CSRNP3: variants seen among roughly 807,000 people sequenced by gnomAD.
CSRNP3 encodes cysteine/serine-rich nuclear protein 3.
In CSRNP3, 12 loss-of-function variants were observed where a neutral mutation model predicts 48.0. That is an observed-to-expected ratio of 0.25 (90% CI 0.16 to 0.41). The LOEUF (loss-of-function observed/expected upper bound fraction) is 0.41. CSRNP3 is among the 10% of genes least tolerant of loss of function. The pLI, the probability that CSRNP3 is intolerant of heterozygous loss-of-function variation, is 1.00. For missense variants in CSRNP3, 580 were observed against 724.4 expected, an observed-to-expected ratio of 0.80 and a Z score of 2.29; for synonymous variants, 263 against 269.7, an observed-to-expected ratio of 0.98 and a Z score of 0.24.
chr2:165,566,370 A>T (rs1470484275), intron 3 of CSRNP3, among the ~76,000 whole-genome samples: 1 of 151,490 alleles, frequency 6.6e-6, no homozygotes, highest in African/African-American at 2.4e-5. Flanking sequence ...TCCCATGTCA[A>T]CTCTGCTGCA....
At chr2:165,527,237 C>T (rs562925851) in intron 3 of CSRNP3, among the ~76,000 whole-genome samples, 2 of 118,996 alleles carry the variant, frequency 1.7e-5, no homozygotes, top group South Asian at 5.6e-4. Context: ...GACAGAGGCT[C>T]ATTCTGTTGC....
At position 165,681,475 on chromosome 2, in the gene CSRNP3, G is replaced by A. The variant is rs1175751808; in HGVS notation, c.*1722G>A. Reference sequence around the variant, plus strand: ...TGCTTGATCTAGAGAAAGTCCTCCAGTGGAAAAGTTTCTACTAAACTTTGT... The same window carrying A: ...TGCTTGATCTAGAGAAAGTCCTCCAATGGAAAAGTTTCTACTAAACTTTGT... On this transcript the variant is annotated 3_prime_UTR_variant, in exon 7 of 7. Coordinates refer to ENST00000651982, the MANE Select transcript of CSRNP3 (RefSeq NM_001172173.2). 2.6e-5 allele frequency: 4 copies of A among 151,714 alleles called. No homozygotes were observed. Among genetic ancestry groups the A allele is most frequent in the Non-Finnish European group, 5.9e-5 (4 of 67,966 alleles). The allele number at this position is 151,714 out of a possible 1,614,324, so 9.4% of individuals were successfully genotyped here.
At chr2:165,571,922 A>G (rs1044104658) in intron 3 of CSRNP3, among the ~76,000 whole-genome samples, 2 of 152,156 alleles carry the variant, frequency 1.3e-5, no homozygotes, top group African/African-American at 2.4e-5. Context: ...TCTTTTTACA[A>G]AAAACAAAAC....
chr2:165,659,277 G>A (rs533242636), intron 5 of CSRNP3, among the ~76,000 whole-genome samples: 5 of 152,208 alleles, frequency 3.3e-5, no homozygotes, highest in East Asian at 3.9e-4. Flanking sequence ...TAGGGGAGTC[G>A]GAGAGAGATG....
chr2:165,600,179 C>T (rs13395932), intron 4 of CSRNP3, among the ~76,000 whole-genome samples: 52,231 of 127,124 alleles, frequency 0.41, 9,086 homozygotes, highest in Middle Eastern at 0.5. Context: ...TGAGAATATG[C>T]GGTGTTTGGT....
At chr2:165,564,843 A>G (rs1337136722) in intron 3 of CSRNP3, among the ~76,000 whole-genome samples, 2 of 152,064 alleles carry the variant, frequency 1.3e-5, no homozygotes, top group Admixed American at 6.6e-5. Context: ...GTGGTTTCTT[A>G]AAATTTTTTT....
Position 165,678,796 on chromosome 2 carries a change from CT to C in CSRNP3, c.806del (p.Leu269CysfsTer4). ...TTAATCCTATCCGTGTTCGGACTCACTTTTTGCACACAATAATGAAACTTGA... is the reference window on the plus strand; with the variant it reads ...TTAATCCTATCCGTGTTCGGACTCACTTTTGCACACAATAATGAAACTTGA... Reference protein sequence around the residue: ...EFNPIRVRTHFLHTIMKLELE... With the variant: ...EFNPIRVRTHXLHTIMKLELE... On this transcript the variant is annotated frameshift_variant, in exon 7 of 7. Coordinates refer to ENST00000651982, the MANE Select transcript of CSRNP3 (RefSeq NM_001172173.2). LOFTEE classifies it high-confidence loss of function. The C allele has an allele frequency of 6.2e-7, 1 of 1,614,070 alleles. No individual in the cohort carries two copies. The highest frequency in any genetic ancestry group is 8.5e-7 in the Non-Finnish European group (1 of 1,179,990).
rs1466949047 is a variant in CSRNP3, at chr2:165,682,931, G to C, written c.*3178G>C. 6.6e-6 allele frequency: 1 copy of C among 152,122 alleles called. No individual in the cohort carries two copies. The highest frequency in any genetic ancestry group is 1.5e-5 in the Non-Finnish European group (1 of 68,018). The allele number at this position is 152,122 out of a possible 1,614,324, so 9.4% of individuals were successfully genotyped here. A position where few individuals can be genotyped will look rare whatever the true frequency, so the allele number is the denominator to read the frequency against. On this transcript the variant is annotated 3_prime_UTR_variant, in exon 7 of 7. Coordinates refer to ENST00000651982, the MANE Select transcript of CSRNP3 (RefSeq NM_001172173.2). ...GTAGTCTTTGACACACAACTTTTTA[G>C]TCATTCACTATCAATTGCAAAGCTT...
chr2:165,539,942 A>C (rs1684931254), intron 3 of CSRNP3, among the ~76,000 whole-genome samples: 1 of 152,102 alleles, frequency 6.6e-6, no homozygotes, highest in Non-Finnish European at 1.5e-5. Context: ...TCTACAGGTG[A>C]AGACTACTCC....
chr2:165,525,496 T>C (rs1031610321), intron 3 of CSRNP3, among the ~76,000 whole-genome samples: 1 of 149,998 alleles, frequency 6.7e-6, no homozygotes, highest in Non-Finnish European at 1.5e-5. Context: ...TTCTTTTTTT[T>C]TTTTTTTGGA....
chr2:165,515,033 T>C (rs889385773), intron 2 of CSRNP3, among the ~76,000 whole-genome samples: 1 of 152,120 alleles, frequency 6.6e-6, no homozygotes, highest in African/African-American at 2.4e-5. Flanking sequence ...TAGTTATAGA[T>C]ACGTGGCCAA....
chr2:165,585,697 G>A (rs1490458459), intron 3 of CSRNP3, among the ~76,000 whole-genome samples: 4 of 152,052 alleles, frequency 2.6e-5, no homozygotes, highest in African/African-American at 9.7e-5. Flanking sequence ...AGATTATTTT[G>A]CACTTTCACA....
chr2:165,670,080 A>G (rs935585704), intron 5 of CSRNP3, among the ~76,000 whole-genome samples: 1 of 152,184 alleles, frequency 6.6e-6, no homozygotes, highest in African/African-American at 2.4e-5. Context: ...TGCAAGTTCA[A>G]TCATCTGGAT....
intron 4 of CSRNP3, among the ~76,000 whole-genome samples, chr2:165,607,365 G>A (rs1039489162): frequency 6.6e-6 from 1 of 152,132 alleles, no homozygotes; most frequent in Admixed American, 6.5e-5. Context: ...AATCCATTCA[G>A]AGCATTCATC....
intron 1 of CSRNP3, among the ~76,000 whole-genome samples, chr2:165,491,953 A>T (rs1489780480): frequency 2.1e-4 from 32 of 149,218 alleles, no homozygotes; most frequent in African/African-American, 4.8e-4. Flanking sequence ...AGTATAATAA[A>T]AAAAAAAAAA....
Position 165,676,352 on chromosome 2 carries a change from C to G in CSRNP3, c.449C>G (p.Thr150Ser), listed in dbSNP as rs972221135. The change falls in exon 6 of 7, where the codon ACT (threonine) becomes AGT (serine). Residue 150 changes from threonine (T) to serine (S), a missense_variant. Physicochemically the swap from Thr to Ser is moderately conservative, Grantham distance 58. Transcript: ENST00000651982. ...ACAGTAGAATCAGAAGAAGCCAGCA[C>G]TCTTACACTGGATGACATTTCTGAT... ...NGTVESEEAS[T>S]LTLDDISDDD... 1.9e-6 allele frequency: 3 copies of G among 1,614,086 alleles called. No homozygotes were observed. In the Admixed American group the frequency reaches 5.0e-5, roughly 27 times the overall value.
intron 2 of CSRNP3, among the ~76,000 whole-genome samples, chr2:165,516,878 A>C (rs1187057415): frequency 6.6e-6 from 1 of 152,116 alleles, no homozygotes; most frequent in Non-Finnish European, 1.5e-5. Flanking sequence ...GCCTGAGACA[A>C]ATTTTTTTCT....
At chr2:165,670,718 T>C (rs1413820554) in intron 5 of CSRNP3, among the ~76,000 whole-genome samples, 1 of 152,218 alleles carries the variant, frequency 6.6e-6, no homozygotes, top group African/African-American at 2.4e-5. Flanking sequence ...CTGTTATTAA[T>C]ATTATGTCAT....
intron 5 of CSRNP3, among the ~76,000 whole-genome samples, chr2:165,670,687 C>G (rs985106282): frequency 1.8e-4 from 28 of 152,102 alleles, no homozygotes; most frequent in African/African-American, 6.8e-4. Context: ...TAGAACAGTG[C>G]CTGGCACACA....
Sources: allele counts gnomAD v4.1 joint callset (sites outside exome capture counted in the v4.1 genomes callset), GRCh38; gene constraint gnomAD v4.1.1; transcripts MANE v1.5; gene names NCBI Gene and HGNC (gene_info 2026-07-23, HGNC 2026-07-21).